FAM234B: variants seen among roughly 807,000 people sequenced by gnomAD.
FAM234B encodes the protein family with sequence similarity 234 member B.
Under a neutral mutation model 69.3 loss-of-function variants are expected in FAM234B, and 33 were observed. That is an observed-to-expected ratio of 0.48 (90% CI 0.36 to 0.64). The LOEUF is 0.64. Ranked by LOEUF, FAM234B falls within the 30% of genes least tolerant of loss-of-function variation. The pLI, the probability that FAM234B is intolerant of heterozygous loss-of-function variation, is 0.00. For missense variants in FAM234B, 697 were observed against 769.7 expected, an observed-to-expected ratio of 0.91 and a Z score of 1.12; for synonymous variants, 306 against 306.9, an observed-to-expected ratio of 1.00 and a Z score of 0.03.
At chr12:13,054,199 A>T (rs957139336) in intron 1 of FAM234B, among the ~76,000 whole-genome samples, 1 of 152,248 alleles carries the variant, frequency 6.6e-6, no homozygotes, top group Non-Finnish European at 1.5e-5. Flanking sequence ...TAAAGTAAAG[A>T]CAGGCATAAG....
In FAM234B at chr12:13,062,467, G is replaced by C. The variant is rs535683777; in HGVS notation, c.722-378G>C. ...GTGGTGCTTACTTATGTGACCGTGT[G>C]GGGGAAGGAAGCAGAGTGGTCTGGT... is the stretch of plus-strand genomic sequence containing the variant. On this transcript the variant is annotated intron_variant, in intron 4 of 12. Transcript: ENST00000197268. 8.0e-4 allele frequency: 127 copies of C among 159,204 alleles called. 1 individual carries two copies. Among genetic ancestry groups the C allele is most frequent in the Middle Eastern group, 3.3e-3 (1 of 306 alleles). The allele number at this position is 159,204 out of a possible 1,614,324, so 9.9% of individuals were successfully genotyped here.
At chr12:13,048,672 G>C (rs568037522) in intron 1 of FAM234B, among the ~76,000 whole-genome samples, 3 of 152,258 alleles carry the variant, frequency 2.0e-5, no homozygotes, top group African/African-American at 7.2e-5. Context: ...AGACTTTGAA[G>C]CCAGACTGGT....
intron 11 of FAM234B, among the ~76,000 whole-genome samples, chr12:13,077,472 C>A (rs1205219937): frequency 7.4e-6 from 1 of 135,748 alleles, no homozygotes; most frequent in Non-Finnish European, 1.5e-5. Flanking sequence ...CTTCTTGTGT[C>A]CATGTGTTCT....
chr12:13,074,683 G>A (rs971905792), intron 10 of FAM234B, among the ~76,000 whole-genome samples: 1 of 152,174 alleles, frequency 6.6e-6, no homozygotes, highest in African/African-American at 2.4e-5. Context: ...CAGTGAGGAA[G>A]GTGTATGGCT....
intron 2 of FAM234B, 102 bp downstream of exon 2, chr12:13,056,048 G>A (rs1050933696): frequency 2.2e-5 from 27 of 1,240,618 alleles, no homozygotes; most frequent in East Asian, 1.0e-4. Context: ...TGTGTCATGC[G>A]GCATTCCCCA....
At chr12:13,058,607 A>C in intron 3 of FAM234B, 58 bp downstream of exon 3, 1 of 1,411,530 alleles carries the variant, frequency 7.1e-7, no homozygotes, top group East Asian at 2.3e-5. Context: ...AGGAGAAAAC[A>C]TCAGAGCTGT....
intron 10 of FAM234B, among the ~76,000 whole-genome samples, chr12:13,072,160 A>G (rs1032679758): frequency 6.6e-6 from 1 of 152,186 alleles, no homozygotes; most frequent in Non-Finnish European, 1.5e-5. Flanking sequence ...AATGGGGGGA[A>G]CCTGACGGAG....
At chr12:13,078,069 T>G (rs1470473617) in intron 11 of FAM234B, among the ~76,000 whole-genome samples, 1 of 151,382 alleles carries the variant, frequency 6.6e-6, no homozygotes, top group Admixed American at 6.6e-5. Flanking sequence ...AATGTCTTCT[T>G]TTGAGAAGTG....
chr12:13,079,953 C>T lies in FAM234B; in HGVS notation c.1807C>T (p.Arg603Cys), dbSNP rs761686462. The T allele has an allele frequency of 1.3e-5, 21 of 1,612,652 alleles. No individual in the cohort carries two copies. The highest frequency in any genetic ancestry group is 1.2e-4 in the South Asian group (11 of 90,874). ...ACAGGAGTCCACCCCCAAAATTGGC[C>T]GTGGGGAGCTGCGAAGATTTCTCTC... is the stretch of plus-strand genomic sequence containing the variant. Reference protein sequence around the residue: ...QLQESTPKIGRGELRRFLSRI... With the variant: ...QLQESTPKIGCGELRRFLSRI... Residue 603 changes from arginine (R) to cysteine (C), a missense_variant, in exon 12 of 13, where the codon CGT becomes TGT. Transcript: ENST00000197268.
At chr12:13,060,778 G>C (rs1378857796) in intron 3 of FAM234B, among the ~76,000 whole-genome samples, 1 of 152,228 alleles carries the variant, frequency 6.6e-6, no homozygotes, top group African/African-American at 2.4e-5. Flanking sequence ...TCCCTATCCT[G>C]AGAGTGAATG....
At chr12:13,076,223 CCCCA>C (rs1323458977) in intron 11 of FAM234B, 80 bp downstream of exon 11, 2 of 1,057,034 alleles carry the variant, frequency 1.9e-6, no homozygotes, top group Non-Finnish European at 2.9e-6. Flanking sequence ...GAGACCATTG[CCCCA>C]CCCAGGGAAG....
chr12:13,078,632 A>G (rs1334880598), intron 11 of FAM234B, among the ~76,000 whole-genome samples: 1 of 152,222 alleles, frequency 6.6e-6, no homozygotes, highest in African/African-American at 2.4e-5. Context: ...TTGCATATCT[A>G]GAAAACCCCA....
chr12:13,062,433 T>G (rs973794597), intron 4 of FAM234B: 1 of 155,204 alleles, frequency 6.4e-6, no homozygotes, highest in African/African-American at 2.4e-5. Flanking sequence ...GAAAACTTCC[T>G]ATGATGCTGT....
chr12:13,069,962 A>G (rs1383119284), intron 9 of FAM234B, among the ~76,000 whole-genome samples: 2 of 152,018 alleles, frequency 1.3e-5, no homozygotes, highest in Non-Finnish European at 2.9e-5. Flanking sequence ...AGAAAGGTGT[A>G]TAGTAGGTAT....
intron 5 of FAM234B, 43 bp downstream of exon 5, chr12:13,063,018 C>T (rs1865000922): frequency 6.2e-7 from 1 of 1,601,528 alleles, no homozygotes; most frequent in South Asian, 1.1e-5. Flanking sequence ...ATAGGGACTG[C>T]TTCTATTTTA....
At position 13,061,563 on chromosome 12, in the gene FAM234B, G is replaced by T. The variant is rs1864982445; in HGVS notation, c.533-12G>T. 6.2e-7 allele frequency: 1 copy of T among 1,600,344 alleles called. No homozygotes were observed. Among genetic ancestry groups the T allele is most frequent in the African/African-American group, 1.3e-5 (1 of 74,332 alleles). On this transcript the variant is annotated splice_polypyrimidine_tract_variant and intron_variant, in intron 3 of 12. Transcript: ENST00000197268. ...CTGCTTTCCTTTTTTTATCTCTCTT[G>T]TGTGCTTTTAGGTGTCTCAAGACCA... is the stretch of plus-strand genomic sequence containing the variant.
intron 5 of FAM234B, among the ~76,000 whole-genome samples, chr12:13,063,564 C>G (rs1049625626): frequency 6.6e-6 from 1 of 152,138 alleles, no homozygotes; most frequent in African/African-American, 2.4e-5. Context: ...TAGGCTGTGA[C>G]AAGGCAGACT....
intron 1 of FAM234B, among the ~76,000 whole-genome samples, chr12:13,045,091 G>C (rs1565505011): frequency 6.6e-6 from 1 of 152,158 alleles, no homozygotes; most frequent in Non-Finnish European, 1.5e-5. Context: ...CCGAGATTAA[G>C]CATGGGAAAT....
chr12:13,074,167 CA>C (rs534160248), intron 10 of FAM234B, among the ~76,000 whole-genome samples: 1 of 151,904 alleles, frequency 6.6e-6, no homozygotes, highest in Non-Finnish European at 1.5e-5. Context: ...TCCTCTGGTG[CA>C]AAAAAAATTT....
Sources: gnomAD v4.1 joint callset for allele counts (sites outside exome capture counted in the v4.1 genomes callset) on GRCh38, gnomAD v4.1.1 for gene constraint, MANE v1.5 for transcripts, NCBI Gene and HGNC (gene_info 2026-07-23, HGNC 2026-07-21) for gene names.